Variants in COL4A4 observed in about 807,000 individuals in gnomAD.
COL4A4 encodes collagen type IV alpha 4 chain.
COL4A4 carries 105 observed loss-of-function variants against 192.9 expected under a neutral mutation model. That is an observed-to-expected ratio of 0.54 (90% CI 0.46 to 0.64). The LOEUF is 0.64. COL4A4 is among the 30% of genes least tolerant of loss of function. COL4A4 has a pLI of 0.00. For synonymous variants in COL4A4, 762 were observed against 769.9 expected (o/e 0.99, Z 0.17); for missense variants, 1,967 against 2,169.3 (o/e 0.91, Z 1.85).
At chr2:227,060,052 A>T in intron 27 of COL4A4, 84 bp downstream of exon 27, 2 of 885,498 alleles carry the variant, frequency 2.3e-6, no homozygotes, top group South Asian at 2.9e-5. Flanking sequence ...CAATGAAATT[A>T]TCCATCGGTA....
At chr2:227,119,723 T>A (rs1193942993) in intron 6 of COL4A4, among the ~76,000 whole-genome samples, 172 bp downstream of exon 6, 1 of 148,694 alleles carries the variant, frequency 6.7e-6, no homozygotes, top group Non-Finnish European at 1.5e-5. Flanking sequence ...TGGTGAAAGA[T>A]ATATATATAT....
chr2:227,046,330 A>C (rs1972857500), intron 35 of COL4A4, among the ~76,000 whole-genome samples: 2 of 139,346 alleles, frequency 1.4e-5, no homozygotes, highest in African/African-American at 5.5e-5. Context: ...ATGGAATTTT[A>C]AGATAATGCA....
At chr2:227,120,267 T>A (rs1046158442) in intron 5 of COL4A4, among the ~76,000 whole-genome samples, 2 of 152,202 alleles carry the variant, frequency 1.3e-5, no homozygotes, top group Non-Finnish European at 2.9e-5. Context: ...TTTGCACATC[T>A]GCACTACCCA....
intron 4 of COL4A4, among the ~76,000 whole-genome samples, chr2:227,127,432 T>G (rs956629222): frequency 3.3e-5 from 5 of 152,216 alleles, no homozygotes; most frequent in Non-Finnish European, 5.9e-5. Flanking sequence ...ATGAAGGAGA[T>G]GAGAGCAGAC....
At chr2:227,104,172 G>A (rs1045166371) in intron 12 of COL4A4, 120 bp from the exon 13 acceptor site, 1 of 826,976 alleles carries the variant, frequency 1.2e-6, no homozygotes, top group Non-Finnish European at 2.1e-6. Context: ...AATACAAGTT[G>A]TGGCAAGTAC....
chr2:226,983,077 A>G, the COL4A4 span, among the ~76,000 whole-genome samples: 1 of 152,218 alleles, frequency 6.6e-6, no homozygotes, highest in African/African-American at 2.4e-5. Context: ...GCTAGTGCAA[A>G]TGGTCAAAGG....
chr2:227,056,958 A>G (rs1975512403), intron 29 of COL4A4, among the ~76,000 whole-genome samples: 1 of 152,210 alleles, frequency 6.6e-6, no homozygotes, highest in South Asian at 2.1e-4. Flanking sequence ...TTGGTAGAGC[A>G]GTGCGAATGG....
chr2:227,025,468 T>C (rs1295289255), intron 43 of COL4A4, among the ~76,000 whole-genome samples: 1 of 152,190 alleles, frequency 6.6e-6, no homozygotes, highest in Non-Finnish European at 1.5e-5. Flanking sequence ...GGTATTTATA[T>C]TGTAGAATTT....
At chr2:227,079,568 T>C (rs901343012) in intron 24 of COL4A4, among the ~76,000 whole-genome samples, 1 of 152,208 alleles carries the variant, frequency 6.6e-6, no homozygotes, top group East Asian at 1.9e-4. Flanking sequence ...AATCAGGACA[T>C]GGTCTTTCCC....
At position 227,078,082 on chromosome 2, in the gene COL4A4, GA is replaced by G; in HGVS notation, c.1804-6del. ...GGTCGCATCTTCATGATCCCCCTGG[GA>G]ATGTTATGTCATGAGTCAATTACCA... On this transcript the variant is annotated splice_polypyrimidine_tract_variant and splice_region_variant and intron_variant, in intron 24 of 47. Transcript: ENST00000396625. The G allele has an allele frequency of 6.2e-7, 1 of 1,613,704 alleles. No homozygotes were observed. Among genetic ancestry groups the G allele is most frequent in the South Asian group, 1.1e-5 (1 of 91,004 alleles).
At chr2:227,041,829 AAAG>A (rs1971202652) in intron 37 of COL4A4, among the ~76,000 whole-genome samples, 2 of 45,000 alleles carry the variant, frequency 4.4e-5, no homozygotes, top group East Asian at 1.1e-3. Context: ...AGAAAGAAAG[AAAG>A]AAAGAAAGAA....
intron 44 of COL4A4, among the ~76,000 whole-genome samples, chr2:227,012,632 CAAA>C (rs61163440): frequency 2.5e-4 from 28 of 110,286 alleles, no homozygotes; most frequent in Non-Finnish European, 4.4e-4. Flanking sequence ...TATTTGACTT[CAAA>C]AAAAAAAAAA....
intron 8 of COL4A4, 81 bp downstream of exon 8, chr2:227,114,547 A>G (rs2061386129): frequency 1.8e-6 from 2 of 1,119,190 alleles, no homozygotes; most frequent in African/African-American, 3.1e-5. Context: ...TTTGAAGAAA[A>G]ATCCTGTCTG....
chr2:227,055,416 G>A (rs1244202052), intron 30 of COL4A4, among the ~76,000 whole-genome samples: 5 of 151,844 alleles, frequency 3.3e-5, no homozygotes, highest in Admixed American at 3.3e-4. Flanking sequence ...GATCACTTGA[G>A]CCCAGGAGTT....
intron 46 of COL4A4, among the ~76,000 whole-genome samples, chr2:227,009,306 T>C (rs1962962489): frequency 6.6e-6 from 1 of 152,214 alleles, no homozygotes; most frequent in African/African-American, 2.4e-5. Flanking sequence ...TTCCTGCACC[T>C]TCCATTCTAA....
intron 25 of COL4A4, among the ~76,000 whole-genome samples, chr2:227,064,888 G>A (rs2058197650): frequency 6.6e-6 from 1 of 152,236 alleles, no homozygotes; most frequent in Non-Finnish European, 1.5e-5. Flanking sequence ...TAAAAGGGAA[G>A]ATGGCCGAAT....
At chr2:226,974,799 A>G in the COL4A4 span, among the ~76,000 whole-genome samples, 2 of 152,278 alleles carry the variant, frequency 1.3e-5, no homozygotes, top group East Asian at 3.9e-4. Flanking sequence ...AGAGTCGTGA[A>G]CCATACAGTG....
the COL4A4 span, among the ~76,000 whole-genome samples, chr2:226,983,946 G>A: frequency 1.3e-5 from 2 of 152,192 alleles, no homozygotes; most frequent in Admixed American, 6.5e-5. Flanking sequence ...GCAATGGTGT[G>A]GGGGATCTTG....
intron 44 of COL4A4, among the ~76,000 whole-genome samples, chr2:227,013,418 T>G (rs1964230572): frequency 6.6e-6 from 1 of 152,104 alleles, no homozygotes; most frequent in African/African-American, 2.4e-5. Flanking sequence ...AAGGAGGTGA[T>G]TCTGTTAAAA....
Sources: gnomAD v4.1 joint callset for allele counts (sites outside exome capture counted in the v4.1 genomes callset) on GRCh38, gnomAD v4.1.1 for gene constraint, MANE v1.5 for transcripts, NCBI Gene and HGNC (gene_info 2026-07-23, HGNC 2026-07-21) for gene names.